Variants in DOCK7 observed in about 807,000 individuals in gnomAD.
The protein encoded by DOCK7 is dedicator of cytokinesis 7, also known as dedicator of cytokinesis protein 7.
A neutral mutation model predicts 271.0 loss-of-function variants in DOCK7; 138 were observed. The ratio of observed to expected loss-of-function variants is 0.51; its 90% CI spans 0.44 to 0.59. The LOEUF (loss-of-function observed/expected upper bound fraction) is 0.59. Among genes scored for constraint, DOCK7 ranks in the 20% least tolerant of loss-of-function variants. The pLI is 0.00. For missense variants in DOCK7, 2,066 were observed against 2,592.4 expected (o/e 0.80, Z 4.41); for synonymous variants, 823 against 876.1 (o/e 0.94, Z 1.07).
intron 4 of DOCK7, among the ~76,000 whole-genome samples, chr1:62,651,309 G>A (rs1248620878): frequency 8.3e-6 from 1 of 120,232 alleles, no homozygotes; most frequent in Non-Finnish European, 1.7e-5. Flanking sequence ...GTGGGGGGAG[G>A]GGGAGGGGGA....
intron 18 of DOCK7, among the ~76,000 whole-genome samples, chr1:62,565,521 T>C (rs1230003268): frequency 1.3e-5 from 2 of 152,146 alleles, no homozygotes; most frequent in Non-Finnish European, 2.9e-5. Context: ...CCCTTCATGC[T>C]AAAAACTCTC....
At chr1:62,477,571 T>C (rs1646003140) in intron 44 of DOCK7, 129 bp downstream of exon 44, 10 of 938,422 alleles carry the variant, frequency 1.1e-5, no homozygotes, top group Non-Finnish European at 1.5e-5. Context: ...TAAAAGTCCT[T>C]ATTCTCTAAC....
At chr1:62,476,766 A>G (rs766098596) in intron 44 of DOCK7, among the ~76,000 whole-genome samples, 2 of 152,214 alleles carry the variant, frequency 1.3e-5, no homozygotes, top group South Asian at 2.1e-4. Context: ...TCGAATTTGA[A>G]TCTTCAAAGG....
At chr1:62,607,299 T>C (rs1651144506) in intron 14 of DOCK7, among the ~76,000 whole-genome samples, 1 of 152,118 alleles carries the variant, frequency 6.6e-6, no homozygotes, top group South Asian at 2.1e-4. Flanking sequence ...CTTCCTCACT[T>C]CTTTATATCC....
At chr1:62,579,132 C>G (rs1192180539) in intron 16 of DOCK7, among the ~76,000 whole-genome samples, 166 bp from the exon 17 acceptor site, 1 of 152,082 alleles carries the variant, frequency 6.6e-6, no homozygotes, top group East Asian at 1.9e-4. Flanking sequence ...AATCTTACTT[C>G]CATATAAGAG....
chr1:62,522,269 T>C (rs536638300), intron 31 of DOCK7, among the ~76,000 whole-genome samples: 5 of 152,062 alleles, frequency 3.3e-5, no homozygotes, highest in Non-Finnish European at 5.9e-5. Flanking sequence ...AGAAAAATTA[T>C]AGGCAATCTT....
Position 62,636,427 on chromosome 1 carries a change from A to G in DOCK7, c.885+110T>C. 2.3e-5 allele frequency: 18 copies of G among 778,898 alleles called. No homozygotes were observed. The South Asian group carries it at 3.3e-4, about 14-fold the overall frequency. The allele number at this position is 778,898 out of a possible 1,614,324, so 48.2% of individuals were successfully genotyped here. On this transcript the variant is annotated intron_variant, in intron 8 of 49. Coordinates refer to ENST00000635253, the MANE Select transcript of DOCK7 (RefSeq NM_001367561.1). Reference sequence around the variant, plus strand: ...TAAGTTAAATTTCTATTTCCTTTTTAAAAAGATCTATGTTTAACAGTTCTC... The same window carrying G: ...TAAGTTAAATTTCTATTTCCTTTTTGAAAAGATCTATGTTTAACAGTTCTC...
intron 48 of DOCK7, among the ~76,000 whole-genome samples, chr1:62,466,936 A>AAAAAC (rs1414341950): frequency 2.7e-4 from 40 of 150,306 alleles, no homozygotes; most frequent in African/African-American, 9.6e-4. Flanking sequence ...AAACAAAAAC[A>AAAAAC]AAAAAAAACA....
At chr1:62,478,630 CTCAAACTCCTGGCCTCAGG>C (rs1646032001) in intron 43 of DOCK7, 1 of 152,110 alleles carries the variant, frequency 6.6e-6, no homozygotes, top group South Asian at 2.1e-4. Flanking sequence ...CTAGGCTGTT[CTCAAACTCCTGGCCTCAGG>C]TGATCTACCC....
intron 44 of DOCK7, among the ~76,000 whole-genome samples, chr1:62,476,560 G>A (rs191326653): frequency 6.6e-6 from 1 of 152,178 alleles, no homozygotes; most frequent in East Asian, 1.9e-4. Context: ...GAGACCATGG[G>A]TTAATGAATA....
intron 2 of DOCK7, among the ~76,000 whole-genome samples, chr1:62,657,979 A>G (rs1250436815): frequency 1.3e-5 from 2 of 152,142 alleles, no homozygotes; most frequent in Non-Finnish European, 2.9e-5. Context: ...AAGTGAGAAA[A>G]AAGAAGGCAG....
intron 31 of DOCK7, among the ~76,000 whole-genome samples, chr1:62,517,316 G>T (rs139534448): frequency 6.6e-6 from 1 of 152,196 alleles, no homozygotes; most frequent in African/African-American, 2.4e-5. Context: ...AAACAAACAG[G>T]CCGGGCGCAG....
chr1:62,504,977 A>G (rs905696842), intron 36 of DOCK7, among the ~76,000 whole-genome samples, 195 bp from the exon 37 acceptor site: 15 of 152,202 alleles, frequency 9.9e-5, no homozygotes, highest in African/African-American at 3.4e-4. Flanking sequence ...CCACTTACTA[A>G]CTAGTAGTGG....
intron 22 of DOCK7, among the ~76,000 whole-genome samples, chr1:62,550,576 A>G (rs1386332007): frequency 6.6e-6 from 1 of 152,282 alleles, no homozygotes; most frequent in South Asian, 2.1e-4. Flanking sequence ...GGTTTATTTC[A>G]AATGAGATCA....
intron 14 of DOCK7, among the ~76,000 whole-genome samples, chr1:62,593,995 AC>A (rs1648851707): frequency 6.6e-6 from 1 of 152,162 alleles, no homozygotes; most frequent in African/African-American, 2.4e-5. Context: ...TGGAATTTAA[AC>A]AATTTAGGCT....
In DOCK7 at chr1:62,492,905, T is replaced by C. The variant is rs144698986; in HGVS notation, c.5218-58A>G. On this transcript the variant is annotated intron_variant, in intron 40 of 49. Coordinates refer to ENST00000635253, the MANE Select transcript of DOCK7 (RefSeq NM_001367561.1). ...AACAGAATTTTCTAGCATAAAAATG[T>C]ATAAGAAGAAATAACTGAAGATGAA... 281 of 1,427,402 alleles carry C rather than the reference T, an allele frequency of 2.0e-4. No homozygotes were observed. In the African/African-American group the frequency reaches 3.3e-3, roughly 17 times the overall value. 88.4% of individuals were successfully genotyped at this position (1,427,402 alleles called of 1,614,324 possible).
intron 13 of DOCK7, among the ~76,000 whole-genome samples, chr1:62,619,289 C>G (rs914360158): frequency 6.6e-6 from 1 of 152,042 alleles, no homozygotes; most frequent in African/African-American, 2.4e-5. Flanking sequence ...TAATATTTAC[C>G]ATTCTATTAC....
intron 9 of DOCK7, chr1:62,633,844 T>C (rs1327446606): frequency 3.3e-6 from 1 of 303,222 alleles, no homozygotes; most frequent in African/African-American, 2.2e-5. Context: ...GGTTAAAGAC[T>C]GAAAGCTTTT....
In DOCK7 at chr1:62,596,173, C is replaced by T. The variant is rs72649570; in HGVS notation, c.1683-9549G>A. Among the ~76,000 whole-genome samples, 632 of 151,210 alleles carry T rather than the reference C, an allele frequency of 4.2e-3. 1 individual carries two copies. Among genetic ancestry groups the T allele is most frequent in the Non-Finnish European group, 6.6e-3 (448 of 68,002 alleles). On this transcript the variant is annotated intron_variant, in intron 14 of 49. Coordinates refer to ENST00000635253, the MANE Select transcript of DOCK7 (RefSeq NM_001367561.1). ...GCCCAGCACTGTTCTAAGTGCTCTA[C>T]ATGTATTATTGTTAAATTATCATAA...
Sources: allele counts gnomAD v4.1 joint callset (sites outside exome capture counted in the v4.1 genomes callset), GRCh38; gene constraint gnomAD v4.1.1; transcripts MANE v1.5; gene names NCBI Gene and HGNC (gene_info 2026-07-23, HGNC 2026-07-21).